Variants in MIPEP observed in about 807,000 individuals in gnomAD.
MIPEP encodes mitochondrial intermediate peptidase.
A neutral mutation model predicts 90.3 loss-of-function variants in MIPEP; 79 were observed. The ratio of observed to expected loss-of-function variants is 0.87; its 90% CI spans 0.73 to 1.05. The LOEUF (loss-of-function observed/expected upper bound fraction) is 1.05, where lower values mean the gene tolerates loss of function less well. Ranked by LOEUF, MIPEP falls within the 50% of genes least tolerant of loss-of-function variation. MIPEP has a pLI of 0.00. For missense variants in MIPEP, 940 were observed against 905.6 expected (o/e 1.04, Z -0.49); for synonymous variants, 334 against 315.8 (o/e 1.06, Z -0.61).
intron 14 of MIPEP, among the ~76,000 whole-genome samples, chr13:23,822,426 CG>C (rs1393289979): frequency 6.6e-5 from 10 of 152,164 alleles, no homozygotes; most frequent in Admixed American, 5.9e-4. Context: ...TGCCCCACCC[CG>C]CAAGGCTGTA....
intron 14 of MIPEP, among the ~76,000 whole-genome samples, chr13:23,818,117 T>A (rs779532001): frequency 1.3e-5 from 2 of 149,774 alleles, no homozygotes; most frequent in African/African-American, 2.6e-5. Context: ...TTTGGACAAA[T>A]TAAATTTAAC....
At chr13:23,831,383 C>CGGGGGGGGGGGGGGGGGGGGGGGG (rs1555237542) in intron 14 of MIPEP, among the ~76,000 whole-genome samples, 2 of 40,854 alleles carry the variant, frequency 4.9e-5, no homozygotes, top group African/African-American at 8.4e-5. Context: ...TTCCCCATGG[C>CGGGGGGGGGGGGGGGGGGGGGGGG]GGGGGGGGGA....
intron 16 of MIPEP, among the ~76,000 whole-genome samples, chr13:23,803,894 T>G (rs1256985071): frequency 7.2e-6 from 1 of 138,400 alleles, no homozygotes; most frequent in Non-Finnish European, 1.6e-5. Flanking sequence ...ATAATGTCTT[T>G]TTTTCTCTAA....
At chr13:23,761,594 A>G (rs148724352) in intron 16 of MIPEP, among the ~76,000 whole-genome samples, 1 of 152,302 alleles carries the variant, frequency 6.6e-6, no homozygotes, top group East Asian at 1.9e-4. Context: ...TTCTGTTGCT[A>G]AAGTGGAAAA....
intron 4 of MIPEP, among the ~76,000 whole-genome samples, chr13:23,878,443 A>T (rs548850327): frequency 6.6e-6 from 1 of 152,330 alleles, no homozygotes; most frequent in African/African-American, 2.4e-5. Context: ...AAATGGCTTC[A>T]TTTGGGGTCA....
chr13:23,849,198 C>T (rs1458550230), intron 10 of MIPEP, among the ~76,000 whole-genome samples: 2 of 152,228 alleles, frequency 1.3e-5, no homozygotes, highest in Non-Finnish European at 2.9e-5. Flanking sequence ...GCTTCCTTAT[C>T]TGCATAGATG....
chr13:23,783,563 C>T (rs1952804639), intron 16 of MIPEP, among the ~76,000 whole-genome samples: 1 of 152,182 alleles, frequency 6.6e-6, no homozygotes, highest in South Asian at 2.1e-4. Context: ...CCCCCTCTCA[C>T]CACTCCTATT....
Position 23,837,602 on chromosome 13 carries a change from C to T in MIPEP, c.1493G>A (p.Gly498Glu). Residue 498 changes from glycine to glutamate, a missense_variant, in exon 13 of 19, where the codon GGA (glycine) becomes GAA (glutamate). Physicochemically the swap from Gly to Glu is moderately conservative, Grantham distance 98. Transcript: ENST00000382172. Reference sequence around the variant, plus strand: ...TCCTAGCATTGAATGCATGGCATGTCCCATTTCATGGAAAAGATTTTCCAT... The same window carrying T: ...TCCTAGCATTGAATGCATGGCATGTTCCATTTCATGGAAAAGATTTTCCAT... The part of the protein sequence containing the change: ...SMMENLFHEM[G>E]HAMHSMLGRT... The T allele has an allele frequency of 7.4e-6, 12 of 1,614,040 alleles. No homozygotes were observed. Among genetic ancestry groups the T allele is most frequent in the Non-Finnish European group, 1.0e-5 (12 of 1,179,936 alleles).
At chr13:23,775,146 T>C (rs1952701507) in intron 16 of MIPEP, among the ~76,000 whole-genome samples, 1 of 151,880 alleles carries the variant, frequency 6.6e-6, no homozygotes, top group Non-Finnish European at 1.5e-5. Context: ...TGTGTGTGTG[T>C]GTGTGTGTGT....
intron 5 of MIPEP, 34 bp from the exon 6 acceptor site, chr13:23,870,229 CG>C: frequency 7.3e-7 from 1 of 1,364,130 alleles, no homozygotes; most frequent in African/African-American, 1.5e-5. Context: ...TATTTAAAGG[CG>C]TTTTGAATTA....
At chr13:23,801,893 G>A (rs117145005) in intron 16 of MIPEP, among the ~76,000 whole-genome samples, 1 of 152,134 alleles carries the variant, frequency 6.6e-6, no homozygotes, top group East Asian at 1.9e-4. Context: ...AACAAGTGCT[G>A]TTATAAACCC....
chr13:23,806,787 C>A (rs1337154819), intron 15 of MIPEP, among the ~76,000 whole-genome samples: 1 of 151,514 alleles, frequency 6.6e-6, no homozygotes, highest in Non-Finnish European at 1.5e-5. Flanking sequence ...TATACAAAAC[C>A]AGTTACAACT....
rs564317556 is a variant in MIPEP, at chr13:23,797,001, G to T, written c.1848+8949C>A. Among the ~76,000 whole-genome samples, 3 of 152,336 alleles carry T rather than the reference G, an allele frequency of 2.0e-5. No homozygotes were observed. In the South Asian group the frequency reaches 6.2e-4, roughly 32 times the overall value. ...TGTTTCAAGCCACTATACAGCCAAT[G>T]TAACCCTAAAATAATAGAAAGGAGC... On this transcript the variant is annotated intron_variant, in intron 16 of 18. Transcript: ENST00000382172.
intron 10 of MIPEP, among the ~76,000 whole-genome samples, chr13:23,848,349 C>T (rs909556313): frequency 5.3e-5 from 8 of 152,202 alleles, no homozygotes; most frequent in African/African-American, 1.7e-4. Flanking sequence ...CCCTTCTATT[C>T]CCCAAAGCTG....
chr13:23,761,990 C>T (rs1276169711), intron 16 of MIPEP, among the ~76,000 whole-genome samples: 6 of 152,084 alleles, frequency 3.9e-5, no homozygotes, highest in South Asian at 4.2e-4. Flanking sequence ...CCAGGCGTGG[C>T]GGCACAAGTC....
chr13:23,798,699 T>C (rs1952992988), intron 16 of MIPEP, among the ~76,000 whole-genome samples: 1 of 152,112 alleles, frequency 6.6e-6, no homozygotes, highest in Non-Finnish European at 1.5e-5. Flanking sequence ...TAAGATCGGG[T>C]TGTTTAAAAG....
chr13:23,868,704 C>T (rs927006552), intron 7 of MIPEP, among the ~76,000 whole-genome samples: 2 of 152,128 alleles, frequency 1.3e-5, no homozygotes, highest in African/African-American at 4.8e-5. Flanking sequence ...TTAATAAATG[C>T]TTCTGAAAAA....
chr13:23,738,562 A>C (rs1356657734), intron 18 of MIPEP, among the ~76,000 whole-genome samples: 1 of 145,482 alleles, frequency 6.9e-6, no homozygotes, highest in African/African-American at 2.6e-5. Flanking sequence ...TGATCCTTCC[A>C]CCTCCGCCTT....
chr13:23,824,695 C>A (rs1953345933), intron 14 of MIPEP, among the ~76,000 whole-genome samples: 1 of 152,166 alleles, frequency 6.6e-6, no homozygotes, highest in Non-Finnish European at 1.5e-5. Flanking sequence ...AACCAGTAAT[C>A]CAGATGGCAC....
Sources: allele counts gnomAD v4.1 joint callset (sites outside exome capture counted in the v4.1 genomes callset), GRCh38; gene constraint gnomAD v4.1.1; transcripts MANE v1.5; gene names NCBI Gene and HGNC (gene_info 2026-07-23, HGNC 2026-07-21).